Variants in ATP8B4 observed in about 807,000 individuals in gnomAD.
ATP8B4 encodes ATPase phospholipid transporting 8B4 (putative), also known as probable phospholipid-transporting ATPase IM.
ATP8B4 carries 133 observed loss-of-function variants against 145.6 expected under a neutral mutation model. The ratio of observed to expected loss-of-function variants is 0.91; its 90% CI spans 0.79 to 1.05. The LOEUF (loss-of-function observed/expected upper bound fraction) is 1.05, where lower values mean the gene tolerates loss of function less well. Ranked by LOEUF, ATP8B4 falls within the 50% of genes least tolerant of loss-of-function variation. The probability of loss-of-function intolerance (pLI) is 0.00; values close to 1 mark genes in which losing one functional copy is unlikely to be tolerated. For synonymous variants in ATP8B4, 507 were observed against 492.9 expected (o/e 1.03, Z -0.38); for missense variants, 1,458 against 1,425.2 (o/e 1.02, Z -0.37).
Position 50,050,072 on chromosome 15 carries a change from C to T in ATP8B4, c.88-2608G>A, listed in dbSNP as rs183541574. Reference sequence around the variant, plus strand: ...AAATACTTGAGAACCACTCATAGGACTCCCATAAATATTTATTCTGACTCA... The same window carrying T: ...AAATACTTGAGAACCACTCATAGGATTCCCATAAATATTTATTCTGACTCA... On this transcript the variant is annotated intron_variant, in intron 3 of 27. Coordinates refer to ENST00000284509, the MANE Select transcript of ATP8B4 (RefSeq NM_024837.4). 3.2e-3 allele frequency among the ~76,000 whole-genome samples: 495 copies of T among 152,318 alleles called. 2 individuals are homozygous for T. The highest frequency in any genetic ancestry group is 0.012 in the African/African-American group (487 of 41,560).
intron 3 of ATP8B4, among the ~76,000 whole-genome samples, chr15:50,071,795 A>AGAG (rs1316173228): frequency 1.3e-5 from 2 of 152,152 alleles, no homozygotes; most frequent in Non-Finnish European, 2.9e-5. Flanking sequence ...CAGCCTCCTG[A>AGAG]GAGGGATTTC....
At chr15:50,138,024 G>A (rs954822859) in intron 1 of ATP8B4, among the ~76,000 whole-genome samples, 2 of 152,128 alleles carry the variant, frequency 1.3e-5, no homozygotes, top group African/African-American at 2.4e-5. Flanking sequence ...TCTTAGTATC[G>A]CTCTAGCCAC....
rs73398888 is a variant in ATP8B4, at chr15:50,007,534, G to A, written c.435+3311C>T. 3.1e-3 allele frequency among the ~76,000 whole-genome samples: 479 copies of A among 152,338 alleles called. 2 individuals are homozygous for A. Among genetic ancestry groups the A allele is most frequent in the African/African-American group, 0.011 (463 of 41,584 alleles). On this transcript the variant is annotated intron_variant, in intron 7 of 27. Transcript: ENST00000284509. ...GGATACTACATAACCTGCCCTTACT[G>A]GGCTAATGTGAGGATTAAATGAGCT...
At chr15:50,046,493 C>A (rs943575766) in intron 4 of ATP8B4, among the ~76,000 whole-genome samples, 1 of 152,144 alleles carries the variant, frequency 6.6e-6, no homozygotes, top group Non-Finnish European at 1.5e-5. Flanking sequence ...AAATGAGATA[C>A]CCATGAATAA....
chr15:49,929,592 C>G (rs542638411), intron 16 of ATP8B4, among the ~76,000 whole-genome samples: 39 of 152,086 alleles, frequency 2.6e-4, no homozygotes, highest in Non-Finnish European at 4.4e-4. Flanking sequence ...ATAGCTACCA[C>G]CATGTATGTG....
chr15:49,982,499 C>T (rs2046244491), intron 10 of ATP8B4: 1 of 152,070 alleles, frequency 6.6e-6, no homozygotes, highest in African/African-American at 2.4e-5. Context: ...AGAAGCTAAG[C>T]TAAGCAGGTC....
intron 9 of ATP8B4, among the ~76,000 whole-genome samples, chr15:49,995,173 G>T (rs1306268308): frequency 2.6e-5 from 4 of 152,098 alleles, no homozygotes; most frequent in Non-Finnish European, 5.9e-5. Context: ...ATCATGTTCT[G>T]CTTTTTGATG....
chr15:49,962,203 G>A (rs1350272147), intron 13 of ATP8B4, among the ~76,000 whole-genome samples, 183 bp from the exon 14 acceptor site: 1 of 152,220 alleles, frequency 6.6e-6, no homozygotes, highest in Non-Finnish European at 1.5e-5. Context: ...CAATTATGCA[G>A]TGAGACATTC....
At chr15:50,064,332 C>A (rs915998498) in intron 3 of ATP8B4, among the ~76,000 whole-genome samples, 1 of 152,120 alleles carries the variant, frequency 6.6e-6, no homozygotes, top group African/African-American at 2.4e-5. Flanking sequence ...CCAGTACAAT[C>A]AGGACTGCTA....
intron 24 of ATP8B4, among the ~76,000 whole-genome samples, chr15:49,877,567 T>C (rs2034658632): frequency 6.6e-6 from 1 of 152,150 alleles, no homozygotes; most frequent in South Asian, 2.1e-4. Context: ...TGGATGCTTG[T>C]TCCCCTAGTT....
intron 14 of ATP8B4, among the ~76,000 whole-genome samples, chr15:49,935,711 A>G (rs1261916181): frequency 6.6e-6 from 1 of 152,154 alleles, no homozygotes; most frequent in Non-Finnish European, 1.5e-5. Flanking sequence ...CAAAAACTGT[A>G]AATTATGTAC....
At chr15:50,160,746 T>A (rs2044505897) in intron 1 of ATP8B4, among the ~76,000 whole-genome samples, 1 of 152,136 alleles carries the variant, frequency 6.6e-6, no homozygotes, top group Non-Finnish European at 1.5e-5. Context: ...ATATTTGATA[T>A]GATTTCCAAT....
At chr15:49,860,665 A>G (rs2031513153) in intron 27 of ATP8B4, among the ~76,000 whole-genome samples, 190 bp from the exon 28 acceptor site, 1 of 152,206 alleles carries the variant, frequency 6.6e-6, no homozygotes, top group Non-Finnish European at 1.5e-5. Context: ...GTCCATTTTT[A>G]TCTCTATCGA....
intron 5 of ATP8B4, among the ~76,000 whole-genome samples, chr15:50,043,902 G>A (rs946512049): frequency 7.3e-5 from 11 of 149,722 alleles, no homozygotes; most frequent in Admixed American, 2.7e-4. Context: ...GCAGTGAGCC[G>A]AGATTGCGCC....
chr15:49,893,840 A>C (rs1001734194), intron 23 of ATP8B4, among the ~76,000 whole-genome samples: 1 of 152,228 alleles, frequency 6.6e-6, no homozygotes, highest in Admixed American at 6.5e-5. Flanking sequence ...TGTAAAACCT[A>C]CTTCATATGG....
intron 2 of ATP8B4, among the ~76,000 whole-genome samples, chr15:50,085,514 C>T (rs1030597830): frequency 6.6e-6 from 1 of 151,978 alleles, no homozygotes; most frequent in Non-Finnish European, 1.5e-5. Flanking sequence ...AGTGCCGTAA[C>T]ATAAGAATCT....
chr15:50,164,813 G>A (rs756136348), intron 1 of ATP8B4, among the ~76,000 whole-genome samples: 9 of 152,200 alleles, frequency 5.9e-5, no homozygotes, highest in Non-Finnish European at 1.3e-4. Flanking sequence ...GCTATGGCTG[G>A]TCTTAACACT....
intron 6 of ATP8B4, among the ~76,000 whole-genome samples, chr15:50,035,922 C>A (rs1459773667): frequency 1.3e-5 from 2 of 152,200 alleles, no homozygotes; most frequent in Non-Finnish European, 2.9e-5. Context: ...AAGCCACAAG[C>A]ACCTGGCAGT....
chr15:50,082,451 A>C (rs2054615928), intron 2 of ATP8B4, among the ~76,000 whole-genome samples: 1 of 152,192 alleles, frequency 6.6e-6, no homozygotes, highest in Admixed American at 6.5e-5. Flanking sequence ...GGAGTCAAAC[A>C]AATACTAAAG....
Sources: gnomAD v4.1 joint callset for allele counts (sites outside exome capture counted in the v4.1 genomes callset) on GRCh38, gnomAD v4.1.1 for gene constraint, MANE v1.5 for transcripts, NCBI Gene and HGNC (gene_info 2026-07-23, HGNC 2026-07-21) for gene names.